Variants in TMEM132E observed in about 807,000 individuals in gnomAD.
The protein encoded by TMEM132E is transmembrane protein 132E.
TMEM132E carries 49 observed loss-of-function variants against 78.5 expected under a neutral mutation model. That is an observed-to-expected ratio of 0.62 (90% CI 0.50 to 0.79). TMEM132E has a LOEUF of 0.79. Ranked by LOEUF, TMEM132E falls within the 30% of genes least tolerant of loss-of-function variation. The pLI is 0.00. For missense variants in TMEM132E, 1,403 were observed against 1,470.9 expected (o/e 0.95, Z 0.75); for synonymous variants, 715 against 670.6 (o/e 1.07, Z -1.02).
chr17:34,587,812 CTTTG>C (rs1905728695), intron 1 of TMEM132E, among the ~76,000 whole-genome samples: 1 of 152,238 alleles, frequency 6.6e-6, no homozygotes, highest in Non-Finnish European at 1.5e-5. Flanking sequence ...TCCATGATGG[CTTTG>C]TTTGTCACAT....
intron 1 of TMEM132E, among the ~76,000 whole-genome samples, chr17:34,597,293 TG>T (rs1366154970): frequency 6.6e-6 from 1 of 152,118 alleles, no homozygotes; most frequent in South Asian, 2.1e-4. Context: ...GGGATTCCCT[TG>T]GGGCAGGGCT....
At chr17:34,599,988 C>T (rs1025677698) in intron 1 of TMEM132E, among the ~76,000 whole-genome samples, 8 of 152,150 alleles carry the variant, frequency 5.3e-5, no homozygotes, top group Non-Finnish European at 1.2e-4. Flanking sequence ...GGGAGGGGGG[C>T]TTGGAGGCCC....
chr17:34,634,838 G>T lies in TMEM132E; in HGVS notation c.1728G>T (p.Glu576Asp). ...RESEDEDEEE[E>D]ERRQSASRGC... ...GCGAGGATGAGGATGAGGAGGAGGA[G>T]GAGCGGCGGCAGAGTGCAAGCCGTG... Residue 576 changes from glutamate to aspartate, a missense_variant, in exon 7 of 9, where the codon GAG becomes GAT. Around this residue, in one of 3 missense-constraint regions of TMEM132E, gnomAD observed 888 missense variants for 952.8 expected, o/e 0.93. Coordinates refer to ENST00000631683, the MANE Select transcript of TMEM132E (RefSeq NM_001304438.2). The T allele has an allele frequency of 6.2e-7, 1 of 1,613,964 alleles. No homozygotes were observed. The highest frequency in any genetic ancestry group is 8.5e-7 in the Non-Finnish European group (1 of 1,179,986).
chr17:34,632,582 C>A (rs1907381894), intron 5 of TMEM132E, 122 bp from the exon 6 acceptor site: 2 of 944,554 alleles, frequency 2.1e-6, no homozygotes, highest in South Asian at 1.5e-5. Flanking sequence ...TTCCACTGGC[C>A]TCCTCCCCTT....
intron 1 of TMEM132E, among the ~76,000 whole-genome samples, chr17:34,611,324 C>A (rs1166891171): frequency 6.6e-6 from 1 of 152,044 alleles, no homozygotes; most frequent in Non-Finnish European, 1.5e-5. Context: ...GGTAAGCAGC[C>A]CTAAGAGATG....
At chr17:34,603,933 C>T (rs1906323908) in intron 1 of TMEM132E, among the ~76,000 whole-genome samples, 1 of 152,160 alleles carries the variant, frequency 6.6e-6, no homozygotes, top group East Asian at 1.9e-4. Flanking sequence ...ATCCCCCTCC[C>T]TCACTCAATG....
In TMEM132E at chr17:34,628,418, A is replaced by C; in HGVS notation, c.999-145A>C. Reference sequence around the variant, plus strand: ...ACCAGATTCCCCAAGTTCATCTGAAACATTCATCTGAAACATCCAGGACTC... The same window carrying C: ...ACCAGATTCCCCAAGTTCATCTGAACCATTCATCTGAAACATCCAGGACTC... On this transcript the variant is annotated intron_variant, in intron 2 of 8. Coordinates refer to ENST00000631683, the MANE Select transcript of TMEM132E (RefSeq NM_001304438.2). 10 of 945,144 alleles carry C rather than the reference A, an allele frequency of 1.1e-5. No individual in the cohort carries two copies. In the South Asian group the frequency reaches 2.0e-4, roughly 19 times the overall value. The allele number at this position is 945,144 out of a possible 1,614,324, so 58.5% of individuals were successfully genotyped here. A position where few individuals can be genotyped will look rare whatever the true frequency, so the allele number is the denominator to read the frequency against.
intron 5 of TMEM132E, 100 bp from the exon 6 acceptor site, chr17:34,632,604 G>A (rs1907383328): frequency 1.6e-6 from 2 of 1,284,236 alleles, no homozygotes; most frequent in Non-Finnish European, 2.2e-6. Flanking sequence ...AGCCTCCTAG[G>A]ACTTTCCCTC....
At chr17:34,595,368 C>T (rs1227064465) in intron 1 of TMEM132E, among the ~76,000 whole-genome samples, 1 of 152,170 alleles carries the variant, frequency 6.6e-6, no homozygotes, top group Non-Finnish European at 1.5e-5. Context: ...CCAGCATGTG[C>T]CTGGATGCTC....
chr17:34,627,475 T>TGCGCGCTCGCGCGCGCGCGC (rs1567720036), intron 2 of TMEM132E, among the ~76,000 whole-genome samples: 1 of 141,350 alleles, frequency 7.1e-6, no homozygotes, highest in African/African-American at 2.8e-5. Context: ...ATCGTGTGTG[T>TGCGCGCTCGCGCGCGCGCGC]GTGTGTGTGT....
chr17:34,626,051 G>A (rs924907023), intron 1 of TMEM132E, 76 bp from the exon 2 acceptor site: 16 of 1,346,346 alleles, frequency 1.2e-5, no homozygotes, highest in Middle Eastern at 2.7e-4. Flanking sequence ...TGGGAGAGAC[G>A]AGCCTGGGGG....
Position 34,637,549 on chromosome 17 carries a change from G to A in TMEM132E, c.2542G>A (p.Ala848Thr). The A allele has an allele frequency of 6.3e-7, 1 of 1,599,448 alleles. No homozygotes were observed. The highest frequency in any genetic ancestry group is 8.5e-7 in the Non-Finnish European group (1 of 1,175,250). The stretch of plus-strand genomic sequence containing the variant: ...CCGGGGAGCTGGCCCGCCGGGCTCT[G>A]CGCTACCCGCACCGGAGGCTCCAGG... ...EARGAGPPGS[A>T]LPAPEAPGPG... The change falls in exon 9 of 9, where the codon GCG becomes ACG. Residue 848 changes from alanine to threonine, a missense_variant. Around this residue, in one of 3 missense-constraint regions of TMEM132E, gnomAD observed 888 missense variants for 952.8 expected, o/e 0.93. Transcript: ENST00000631683.
rs1293435574 is a variant in TMEM132E at position 34,626,119 on chromosome 17, G to C, written c.68-8G>C. On this transcript the variant is annotated splice_polypyrimidine_tract_variant and splice_region_variant and intron_variant, in intron 1 of 8. Transcript: ENST00000631683. ...CACCCTGGGCCTCTTTCCTCTGTCT[G>C]TCCCCAGCCTCTGGCCGCTCCCACC... 2 of 1,505,232 alleles carry C rather than the reference G, an allele frequency of 1.3e-6. No homozygotes were observed. The highest frequency in any genetic ancestry group is 1.8e-6 in the Non-Finnish European group (2 of 1,131,352). The allele number at this position is 1,505,232 out of a possible 1,614,324, so 93.2% of individuals were successfully genotyped here.
chr17:34,601,145 C>A (rs1343148197), intron 1 of TMEM132E, among the ~76,000 whole-genome samples: 1 of 152,226 alleles, frequency 6.6e-6, no homozygotes, highest in Admixed American at 6.5e-5. Context: ...ATTCTTGCCA[C>A]ATCCCCAACA....
rs1453185284 is a variant in TMEM132E, at chr17:34,580,719, C to T, written c.-358C>T. The stretch of plus-strand genomic sequence containing the variant: ...TTCGGATTCGAGCTGGGCCGTGAGG[C>T]CGGGAGATTCAGCACTGGGCTCTAG... On this transcript the variant is annotated 5_prime_UTR_variant, in exon 1 of 9. Coordinates refer to ENST00000631683, the MANE Select transcript of TMEM132E (RefSeq NM_001304438.2). The T allele has an allele frequency of 4.3e-6, 1 of 231,466 alleles. No homozygotes were observed. Among genetic ancestry groups the T allele is most frequent in the African/African-American group, 2.3e-5 (1 of 44,248 alleles). 14.3% of individuals were successfully genotyped at this position (231,466 alleles called of 1,614,324 possible).
chr17:34,584,634 G>A (rs1218355600), intron 1 of TMEM132E, among the ~76,000 whole-genome samples: 2 of 152,198 alleles, frequency 1.3e-5, no homozygotes, highest in Non-Finnish European at 2.9e-5. Flanking sequence ...AAATGGATGG[G>A]GTAGGAGGAC....
At position 34,626,150 on chromosome 17, in the gene TMEM132E, AGCCCCAGCCCGCCGGG is replaced by A; in HGVS notation, c.95_110del (p.Pro32ArgfsTer84). 6.5e-7 allele frequency: 1 copy of A among 1,538,710 alleles called. No homozygotes were observed. The highest frequency in any genetic ancestry group is 1.3e-5 in the South Asian group (1 of 79,280). On this transcript the variant is annotated frameshift_variant, in exon 2 of 9. Transcript: ENST00000631683. LOFTEE classifies it high-confidence loss of function. ...AGCCTCTGGCCGCTCCCACCCGGCC[AGCCCCAGCCCGCCGGG>A]GCCGCAGGCCAGCCCGGTGCTGCCA...
intron 1 of TMEM132E, among the ~76,000 whole-genome samples, chr17:34,588,704 A>T (rs1351432759): frequency 6.6e-6 from 1 of 151,998 alleles, no homozygotes; most frequent in Non-Finnish European, 1.5e-5. Flanking sequence ...TGAATAAGTG[A>T]ATTATATATG....
Position 34,635,080 on chromosome 17 carries a change from C to A in TMEM132E, c.1970C>A (p.Pro657His), listed in dbSNP as rs143181955. 5 of 1,611,774 alleles carry A rather than the reference C, an allele frequency of 3.1e-6. No homozygotes were observed. Among genetic ancestry groups the A allele is most frequent in the South Asian group, 1.1e-5 (1 of 90,766 alleles). ...TLAGLEPGTT[P>H]FKVVSPLTEA... Reference sequence around the variant, plus strand: ...GCAGGACTGGAGCCAGGCACCACCCCCTTTAAGGTAGGTATGGGCTCTGTC... The same window carrying A: ...GCAGGACTGGAGCCAGGCACCACCCACTTTAAGGTAGGTATGGGCTCTGTC... Residue 657 changes from proline (P) to histidine (H), a missense_variant, in exon 7 of 9, where the codon CCC becomes CAC. By Grantham distance (77) the Pro-to-His change is moderately conservative. This residue lies in a region of TMEM132E where 888 missense variants were observed against 952.8 expected (regional missense o/e 0.93). Coordinates refer to ENST00000631683, the MANE Select transcript of TMEM132E (RefSeq NM_001304438.2).
Sources: gnomAD v4.1 joint callset for allele counts (sites outside exome capture counted in the v4.1 genomes callset) on GRCh38, gnomAD v4.1.1 for gene constraint, gnomAD v4.1.1 regional missense constraint, MANE v1.5 for transcripts, NCBI Gene and HGNC (gene_info 2026-07-23, HGNC 2026-07-21) for gene names.